The following SCHIP1 variants were observed in gnomAD, a reference collection of about 807,000 sequenced individuals.
The protein encoded by SCHIP1 is schwannomin interacting protein 1, also known as schwannomin-interacting protein 1.
Under a neutral mutation model 29.7 loss-of-function variants are expected in SCHIP1, and 8 were observed. The observed-to-expected ratio is 0.27, with a 90% CI of 0.16 to 0.49. SCHIP1 has a LOEUF of 0.49. Ranked by LOEUF, SCHIP1 falls within the 20% of genes least tolerant of loss-of-function variation. SCHIP1 has a pLI of 0.99. For missense variants in SCHIP1, 193 were observed against 294.6 expected, an observed-to-expected ratio of 0.66 and a Z score of 2.52; for synonymous variants, 76 against 94.9, an observed-to-expected ratio of 0.80 and a Z score of 1.16.
the SCHIP1 span, among the ~76,000 whole-genome samples, chr3:159,804,727 G>A: frequency 6.6e-6 from 1 of 152,248 alleles, no homozygotes; most frequent in Non-Finnish European, 1.5e-5. Context: ...TCACAGTGAT[G>A]AGATTGGTTG....
the SCHIP1 span, among the ~76,000 whole-genome samples, chr3:159,298,197 T>C: frequency 6.6e-6 from 1 of 152,226 alleles, no homozygotes; most frequent in Non-Finnish European, 1.5e-5. Flanking sequence ...CTATTGGCAG[T>C]TCCTCAATGA....
At chr3:159,466,147 A>T in the SCHIP1 span, among the ~76,000 whole-genome samples, 1 of 152,138 alleles carries the variant, frequency 6.6e-6, no homozygotes, top group East Asian at 1.9e-4. Flanking sequence ...ATCTTCAAGA[A>T]GATTACAATT....
At chr3:159,365,864 C>T in the SCHIP1 span, among the ~76,000 whole-genome samples, 4 of 152,180 alleles carry the variant, frequency 2.6e-5, no homozygotes, top group African/African-American at 7.2e-5. Flanking sequence ...AAGACCCCCT[C>T]TCTTGATTTT....
the SCHIP1 span, among the ~76,000 whole-genome samples, chr3:159,386,246 T>G: frequency 6.6e-6 from 1 of 152,194 alleles, no homozygotes; most frequent in Non-Finnish European, 1.5e-5. Context: ...GTATTTCTGG[T>G]TCTAGATCCT....
the SCHIP1 span, among the ~76,000 whole-genome samples, chr3:159,505,659 C>T: frequency 6.7e-6 from 1 of 149,756 alleles, no homozygotes; most frequent in Non-Finnish European, 1.5e-5. Flanking sequence ...GTGTGATGTT[C>T]CCCTTCCTGT....
the SCHIP1 span, among the ~76,000 whole-genome samples, chr3:159,571,781 T>C: frequency 2.6e-5 from 4 of 152,214 alleles, no homozygotes; most frequent in Non-Finnish European, 4.4e-5. Context: ...TGGTAGGCTA[T>C]TAATTATTGC....
chr3:159,732,798 G>A, the SCHIP1 span, among the ~76,000 whole-genome samples: 20 of 152,238 alleles, frequency 1.3e-4, no homozygotes, highest in Non-Finnish European at 2.4e-4. Flanking sequence ...TAGCTGGTAG[G>A]AAATACTGCT....
the SCHIP1 span, among the ~76,000 whole-genome samples, chr3:159,822,796 A>G: frequency 6.6e-6 from 1 of 151,618 alleles, no homozygotes; most frequent in Non-Finnish European, 1.5e-5. Flanking sequence ...TGGTGTTGGT[A>G]TCAGCAGTCT....
At chr3:159,396,455 G>A in the SCHIP1 span, among the ~76,000 whole-genome samples, 1 of 147,418 alleles carries the variant, frequency 6.8e-6, no homozygotes, top group Non-Finnish European at 1.5e-5. Flanking sequence ...GCAGCGGCTG[G>A]TACCGGTTGT....
the SCHIP1 span, among the ~76,000 whole-genome samples, chr3:159,428,939 C>T: frequency 2.4e-3 from 370 of 151,708 alleles, 3 homozygotes; most frequent in Middle Eastern, 6.8e-3. Flanking sequence ...AGTAAACTAT[C>T]GCAAGAACAA....
the SCHIP1 span, among the ~76,000 whole-genome samples, chr3:159,758,916 A>G: frequency 5.3e-5 from 8 of 152,244 alleles, no homozygotes; most frequent in African/African-American, 1.9e-4. Context: ...GCCAATCTAC[A>G]GATCATTCAG....
chr3:159,299,499 T>C, the SCHIP1 span, among the ~76,000 whole-genome samples: 3 of 152,136 alleles, frequency 2.0e-5, no homozygotes, highest in African/African-American at 7.2e-5. Context: ...GGGACACCCA[T>C]AAAACCAAGG....
At chr3:159,581,634 G>A in the SCHIP1 span, among the ~76,000 whole-genome samples, 2 of 152,116 alleles carry the variant, frequency 1.3e-5, no homozygotes, top group South Asian at 4.2e-4. Context: ...TACAGAGAAG[G>A]GGAGAGCAGT....
chr3:159,560,278 G>C, the SCHIP1 span, among the ~76,000 whole-genome samples: 3 of 152,138 alleles, frequency 2.0e-5, no homozygotes, highest in African/African-American at 7.2e-5. Context: ...GAAGGCTTAT[G>C]ATTCTTCTTG....
the SCHIP1 span, among the ~76,000 whole-genome samples, chr3:159,578,684 C>T: frequency 6.6e-6 from 1 of 152,106 alleles, no homozygotes; most frequent in African/African-American, 2.4e-5. Flanking sequence ...TTGGCTATGG[C>T]CCCTTTTTCC....
chr3:159,770,691 A>G, the SCHIP1 span, among the ~76,000 whole-genome samples: 1 of 152,222 alleles, frequency 6.6e-6, no homozygotes, highest in Non-Finnish European at 1.5e-5. Context: ...TTGCCATCAC[A>G]TGATGCTTAA....
the SCHIP1 span, among the ~76,000 whole-genome samples, chr3:159,717,661 C>G: frequency 1.2e-3 from 187 of 152,144 alleles, no homozygotes; most frequent in African/African-American, 4.4e-3. Flanking sequence ...ACACATACAC[C>G]ATCCCAAGAC....
At chr3:159,466,767 T>G in the SCHIP1 span, among the ~76,000 whole-genome samples, 4 of 152,148 alleles carry the variant, frequency 2.6e-5, no homozygotes, top group Non-Finnish European at 4.4e-5. Flanking sequence ...AGAGGAGTGA[T>G]GAGCATTACA....
At chr3:159,308,512 A>G in the SCHIP1 span, among the ~76,000 whole-genome samples, 1 of 152,112 alleles carries the variant, frequency 6.6e-6, no homozygotes, top group South Asian at 2.1e-4. Flanking sequence ...CCATTATTAA[A>G]CAGATGCTGG....
Sources: gnomAD v4.1 joint callset for allele counts (sites outside exome capture counted in the v4.1 genomes callset) on GRCh38, gnomAD v4.1.1 for gene constraint, MANE v1.5 for transcripts, NCBI Gene and HGNC (gene_info 2026-07-23, HGNC 2026-07-21) for gene names.